Variants in MGA observed in about 807,000 individuals in gnomAD.
MGA encodes the protein MAX gene-associated protein.
A neutral mutation model predicts 261.1 loss-of-function variants in MGA; 40 were observed. The ratio of observed to expected loss-of-function variants is 0.15; its 90% confidence interval spans 0.12 to 0.20. The LOEUF is 0.20. MGA is among the 10% of genes least tolerant of loss of function. MGA has a pLI of 1.00. For synonymous variants in MGA, 1,302 were observed against 1,290.6 expected (o/e 1.01, Z -0.19); for missense variants, 3,397 against 3,630.5 (o/e 0.94, Z 1.65).
At chr15:41,662,413 C>T (rs2057466650) in intron 1 of MGA, among the ~76,000 whole-genome samples, 1 of 152,214 alleles carries the variant, frequency 6.6e-6, no homozygotes, top group African/African-American at 2.4e-5. Context: ...GGAGGCAGTA[C>T]TCTCTTACGC....
rs1319714948 is a variant in MGA at position 41,734,543 on chromosome 15, C to A, written c.3865C>A (p.Pro1289Thr). The A allele has an allele frequency of 1.4e-5, 22 of 1,608,560 alleles. No homozygotes were observed. Among genetic ancestry groups the A allele is most frequent in the Non-Finnish European group, 1.7e-5 (20 of 1,177,208 alleles). Residue 1289 changes from proline to threonine, a missense_variant, in exon 12 of 24, where the codon CCC (proline) becomes ACC (threonine). Transcript: ENST00000219905. ...TCAGGAACCTGATTCTGAACAGCAG[C>A]CCTTAAAACAACTCACCTGTGACTT...
chr15:41,640,265 T>A (rs906995510), intron 1 of MGA, among the ~76,000 whole-genome samples: 2 of 151,912 alleles, frequency 1.3e-5, no homozygotes, highest in African/African-American at 4.8e-5. Context: ...AGTAGTTGAG[T>A]ATACAGCAGC....
rs1158269149 is a variant in MGA at position 41,736,256 on chromosome 15, G to C, written c.3992G>C (p.Gly1331Ala). 2 of 1,613,796 alleles carry C rather than the reference G, an allele frequency of 1.2e-6. No individual in the cohort carries two copies. The highest frequency in any genetic ancestry group is 4.5e-5 in the East Asian group (2 of 44,900). The stretch of plus-strand genomic sequence containing the variant: ...TATATGCATCAGAGGTCACCTGGTG[G>C]TCCCACCAAACTGATTGAGATCATC... The change falls in exon 13 of 24, where the codon GGT becomes GCT. Residue 1331 changes from glycine (G) to alanine (A), a missense_variant. Physicochemically the swap from Gly to Ala is moderately conservative, Grantham distance 60 (BLOSUM62 0). This residue lies in a region of MGA where 1,410 missense variants were observed against 1,386.4 expected (regional missense o/e 1.02). Transcript: ENST00000219905.
rs566998358 is a variant in MGA, at chr15:41,697,092, G to A, written c.2013+69G>A. ...ACTTGAATTGTATACTGGCTTGTAA[G>A]TAACTCGATTTACAATCTAGTTTTG... On this transcript the variant is annotated intron_variant, in intron 3 of 23. Coordinates refer to ENST00000219905, the MANE Select transcript of MGA (RefSeq NM_001164273.2). The A allele has an allele frequency of 2.4e-6, 3 of 1,251,308 alleles. No homozygotes were observed. The South Asian group carries it at 4.9e-5, about 20-fold the overall frequency. The allele number at this position is 1,251,308 out of a possible 1,614,324, so 77.5% of individuals were successfully genotyped here.
intron 1 of MGA, among the ~76,000 whole-genome samples, chr15:41,627,305 C>A (rs2056479749): frequency 6.6e-6 from 1 of 152,152 alleles, no homozygotes; most frequent in Non-Finnish European, 1.5e-5. Context: ...TTTCACTATT[C>A]CATCCAAGAT....
At chr15:41,642,402 C>T (rs1184812583) in intron 1 of MGA, among the ~76,000 whole-genome samples, 6 of 150,626 alleles carry the variant, frequency 4.0e-5, no homozygotes, top group South Asian at 2.1e-4. Context: ...TTCCACCTCC[C>T]GGGTTCAAGC....
intron 9 of MGA, among the ~76,000 whole-genome samples, chr15:41,714,710 C>G (rs2060541930): frequency 6.6e-6 from 1 of 152,162 alleles, no homozygotes; most frequent in Admixed American, 6.5e-5. Flanking sequence ...GTAGGCTGGT[C>G]TTGAACTCCT....
intron 1 of MGA, among the ~76,000 whole-genome samples, chr15:41,664,241 A>T (rs995267446): frequency 6.6e-6 from 1 of 152,228 alleles, no homozygotes; most frequent in African/African-American, 2.4e-5. Context: ...AAATAGGTTG[A>T]TATGACTTCT....
At chr15:41,694,190 G>T (rs2059430948) in intron 2 of MGA, among the ~76,000 whole-genome samples, 1 of 152,022 alleles carries the variant, frequency 6.6e-6, no homozygotes, top group African/African-American at 2.4e-5. Flanking sequence ...GGCTGAGGTG[G>T]GCGGATCACG....
At chr15:41,661,383 A>G (rs753235977) in intron 1 of MGA, among the ~76,000 whole-genome samples, 3 of 141,722 alleles carry the variant, frequency 2.1e-5, no homozygotes, top group African/African-American at 5.4e-5. Flanking sequence ...TGAGGGATCT[A>G]TGTGTCAGAA....
chr15:41,717,348 A>G (rs750459798), intron 9 of MGA, among the ~76,000 whole-genome samples: 4 of 152,152 alleles, frequency 2.6e-5, no homozygotes, highest in Non-Finnish European at 5.9e-5. Context: ...TAATATACCT[A>G]TAAATTAACA....
At chr15:41,716,477 G>A (rs1028065949) in intron 9 of MGA, among the ~76,000 whole-genome samples, 88 of 151,762 alleles carry the variant, frequency 5.8e-4, no homozygotes, top group African/African-American at 2.1e-3. Flanking sequence ...AGAAAAAGGA[G>A]GGGTGATATT....
At chr15:41,667,501 CTCCCAGAGTGCTTGGA>C (rs2057816614) in intron 1 of MGA, among the ~76,000 whole-genome samples, 1 of 152,062 alleles carries the variant, frequency 6.6e-6, no homozygotes, top group South Asian at 2.1e-4. Context: ...CCTCCTTGGC[CTCCCAGAGTGCTTGGA>C]TTACAGGCGT....
At chr15:41,656,337 T>TCC (rs1204713691), upstream of MGA, among the ~76,000 whole-genome samples, 54 of 100,910 alleles carry the variant, frequency 5.4e-4, 1 homozygote, top group Non-Finnish European at 7.3e-4. Flanking sequence ...TCTCTCCCTC[T>TCC]CCTCTCTTCT....
rs1190521139 is a variant in MGA at position 41,696,940 on chromosome 15, G to A, written c.1930G>A (p.Val644Ile). 1.2e-6 allele frequency: 2 copies of A among 1,604,044 alleles called. No homozygotes were observed. The highest frequency in any genetic ancestry group is 8.5e-7 in the Non-Finnish European group (1 of 1,174,884). Residue 644 changes from valine to isoleucine, a missense_variant, in exon 3 of 24, where the codon GTA (valine) becomes ATA (isoleucine). Val to Ile is a conservative substitution (Grantham distance 29). This residue lies in a region of MGA where 563 missense variants were observed against 563.6 expected (regional missense o/e 1.00). Transcript: ENST00000219905. The stretch of plus-strand genomic sequence containing the variant: ...TTTAATTTCTACAAAGAATACACCT[G>A]TAAGCCCTGGGAGTACCTTTCCAGA...
intron 18 of MGA, among the ~76,000 whole-genome samples, chr15:41,757,526 G>C (rs867783215): frequency 5.9e-5 from 9 of 152,072 alleles, no homozygotes; most frequent in Admixed American, 1.3e-4. Flanking sequence ...AGTCTTCCCT[G>C]GATACTGAAG....
intron 2 of MGA, among the ~76,000 whole-genome samples, chr15:41,681,475 G>A (rs780883301): frequency 1.0e-4 from 15 of 150,280 alleles, no homozygotes; most frequent in Non-Finnish European, 1.6e-4. Flanking sequence ...TTTTTGAGAC[G>A]GAGTCTCACT....
At chr15:41,662,628 A>G (rs1010817085) in intron 1 of MGA, among the ~76,000 whole-genome samples, 2 of 152,330 alleles carry the variant, frequency 1.3e-5, no homozygotes, top group South Asian at 2.1e-4. Context: ...ATAGTTGGCT[A>G]TTTTACTGTC....
chr15:41,709,307 C>T (rs2060267368), intron 7 of MGA, among the ~76,000 whole-genome samples: 1 of 152,028 alleles, frequency 6.6e-6, no homozygotes, highest in Non-Finnish European at 1.5e-5. Flanking sequence ...AAGATCACAC[C>T]ACTGCACTCC....
Sources: gnomAD v4.1 joint callset for allele counts (sites outside exome capture counted in the v4.1 genomes callset) on GRCh38, gnomAD v4.1.1 for gene constraint, gnomAD v4.1.1 regional missense constraint, MANE v1.5 for transcripts, NCBI Gene and HGNC (gene_info 2026-07-23, HGNC 2026-07-21) for gene names.